Variants in FGD6 observed in about 807,000 individuals in gnomAD.
FGD6 encodes FYVE, RhoGEF and PH domain-containing protein 6.
In FGD6, 90 loss-of-function variants were observed where a neutral mutation model predicts 149.4. The observed-to-expected ratio is 0.60, with a 90% CI of 0.51 to 0.72. The LOEUF is 0.72. Ranked by LOEUF, FGD6 falls within the 30% of genes least tolerant of loss-of-function variation. FGD6 has a pLI of 0.00. For missense variants in FGD6, 1,437 were observed against 1,684.8 expected (o/e 0.85, Z 2.57); for synonymous variants, 527 against 584.0 (o/e 0.90, Z 1.41).
At chr12:95,198,863 G>A (rs1881794037) in intron 2 of FGD6, among the ~76,000 whole-genome samples, 1 of 152,170 alleles carries the variant, frequency 6.6e-6, no homozygotes, top group African/African-American at 2.4e-5. Flanking sequence ...TCAGTTTGGG[G>A]GAAGAAAGTT....
At chr12:95,111,105 C>G (rs909707261) in intron 9 of FGD6, among the ~76,000 whole-genome samples, 5 of 152,138 alleles carry the variant, frequency 3.3e-5, no homozygotes, top group Non-Finnish European at 7.3e-5. Context: ...GCCTCAGCTA[C>G]TGAGTACCTG....
At chr12:95,086,322 G>C (rs1318925213) in intron 18 of FGD6, among the ~76,000 whole-genome samples, 7 of 151,718 alleles carry the variant, frequency 4.6e-5, no homozygotes, top group Non-Finnish European at 8.8e-5. Flanking sequence ...CTTTAATTCT[G>C]TTCCTAAAAA....
At chr12:95,100,811 A>T in intron 14 of FGD6, 2 of 435,624 alleles carry the variant, frequency 4.6e-6, no homozygotes, top group Admixed American at 5.2e-5. Context: ...CCCAACATTG[A>T]TGGTAAGGAT....
At chr12:95,172,041 G>GT (rs1565915249) in intron 3 of FGD6, among the ~76,000 whole-genome samples, 1 of 138,260 alleles carries the variant, frequency 7.2e-6, no homozygotes, top group African/African-American at 2.7e-5. Flanking sequence ...TCTAAGGGGG[G>GT]GGGGGTTGTT....
intron 9 of FGD6, among the ~76,000 whole-genome samples, chr12:95,112,320 C>G (rs1367221389): frequency 6.6e-6 from 1 of 151,714 alleles, no homozygotes; most frequent in East Asian, 1.9e-4. Context: ...CCAGGCGTTG[C>G]TGGGCATGGT....
chr12:95,147,673 G>C (rs1274839616), intron 5 of FGD6, among the ~76,000 whole-genome samples: 4 of 152,094 alleles, frequency 2.6e-5, no homozygotes, highest in Non-Finnish European at 5.9e-5. Flanking sequence ...GACCAGACTT[G>C]AAAGTCTGGT....
At chr12:95,146,418 C>T (rs1447354365) in intron 5 of FGD6, among the ~76,000 whole-genome samples, 1 of 152,162 alleles carries the variant, frequency 6.6e-6, no homozygotes, top group Non-Finnish European at 1.5e-5. Flanking sequence ...TCACTAACAC[C>T]TCCTTGACAA....
At chr12:95,126,730 CAAAAAA>C (rs66512721) in intron 8 of FGD6, among the ~76,000 whole-genome samples, 1 of 127,376 alleles carries the variant, frequency 7.9e-6, no homozygotes. Context: ...GACTCAGTCT[CAAAAAA>C]AAAAAAAAAG....
At chr12:95,123,247 T>G (rs771546071) in intron 8 of FGD6, among the ~76,000 whole-genome samples, 5 of 152,090 alleles carry the variant, frequency 3.3e-5, no homozygotes, top group Non-Finnish European at 5.9e-5. Context: ...AATACAAAAA[T>G]TAGCTGGGTA....
At chr12:95,182,709 A>C (rs898375528) in intron 2 of FGD6, among the ~76,000 whole-genome samples, 2 of 152,222 alleles carry the variant, frequency 1.3e-5, no homozygotes, top group Non-Finnish European at 2.9e-5. Flanking sequence ...GACCTTCTTA[A>C]ACAGATGAAG....
At chr12:95,208,630 C>T (rs1414055244) in intron 2 of FGD6, among the ~76,000 whole-genome samples, 3 of 152,128 alleles carry the variant, frequency 2.0e-5, no homozygotes, top group Non-Finnish European at 2.9e-5. Flanking sequence ...TTCTTTGAAT[C>T]GGTTACTAAA....
chr12:95,202,117 C>T lies in FGD6; in HGVS notation c.2441+6726G>A, dbSNP rs565678870. ...CAAAAACATACATATGGGCTGGCCG[C>T]GGTGAGTCATGCCTGTAATCCCAAC... On this transcript the variant is annotated intron_variant, in intron 2 of 20. Transcript: ENST00000343958. Among the ~76,000 whole-genome samples, 317 of 151,946 alleles carry T rather than the reference C, an allele frequency of 2.1e-3. 1 individual carries two copies. The highest frequency in any genetic ancestry group is 3.4e-3 in the Non-Finnish European group (234 of 67,984).
chr12:95,134,808 T>A lies in FGD6; in HGVS notation c.3013A>T (p.Asn1005Tyr). 6.2e-7 allele frequency: 1 copy of A among 1,613,644 alleles called. No homozygotes were observed. Among genetic ancestry groups the A allele is most frequent in the Non-Finnish European group, 8.5e-7 (1 of 1,179,830 alleles). ...AGCAGGTAGTGCTTGAGGGCCAGAT[T>A]AGCACAGCGAGGGCTCATCTGAAAG... is the stretch of plus-strand genomic sequence containing the variant. ...REFEMSPRCANLALKHYLLKP... is the reference protein window; with the variant it reads ...REFEMSPRCAYLALKHYLLKP... Residue 1005 changes from asparagine to tyrosine, a missense_variant, in exon 8 of 21, where the codon AAT becomes TAT. Asn to Tyr is a moderately radical substitution (Grantham distance 143). This residue lies in a region of FGD6 where 382 missense variants were observed against 538.7 expected (regional missense o/e 0.71). Coordinates refer to ENST00000343958, the MANE Select transcript of FGD6 (RefSeq NM_018351.4).
chr12:95,166,738 T>G (rs1162940128), intron 3 of FGD6, among the ~76,000 whole-genome samples: 5 of 151,980 alleles, frequency 3.3e-5, no homozygotes, highest in Non-Finnish European at 2.9e-5. Context: ...AGAAACTCCA[T>G]GCCCATTATC....
chr12:95,204,992 G>A (rs1204433486), intron 2 of FGD6, among the ~76,000 whole-genome samples: 1 of 152,208 alleles, frequency 6.6e-6, no homozygotes, highest in Non-Finnish European at 1.5e-5. Context: ...TGTAGGCTAG[G>A]CATGGTGGCT....
intron 2 of FGD6, among the ~76,000 whole-genome samples, chr12:95,177,395 T>C (rs1881162758): frequency 6.6e-6 from 1 of 152,230 alleles, no homozygotes; most frequent in Non-Finnish European, 1.5e-5. Context: ...GGTTTTATTC[T>C]GAGCCCCTTT....
At chr12:95,107,238 G>T (rs539947999) in intron 12 of FGD6, among the ~76,000 whole-genome samples, 4 of 152,286 alleles carry the variant, frequency 2.6e-5, no homozygotes, top group Admixed American at 6.5e-5. Context: ...TCTGGAAAAC[G>T]TGCTTTATTT....
chr12:95,190,916 A>G (rs1431939271), intron 2 of FGD6, among the ~76,000 whole-genome samples: 1 of 152,200 alleles, frequency 6.6e-6, no homozygotes, highest in Non-Finnish European at 1.5e-5. Flanking sequence ...AAATTAAAAA[A>G]TACATTAAAA....
intron 1 of FGD6, among the ~76,000 whole-genome samples, chr12:95,213,666 A>G (rs2056738819): frequency 6.6e-6 from 1 of 152,178 alleles, no homozygotes; most frequent in African/African-American, 2.4e-5. Context: ...CCCTGGTACC[A>G]ATTTTACTCT....
Sources: gnomAD v4.1 joint callset for allele counts (sites outside exome capture counted in the v4.1 genomes callset) on GRCh38, gnomAD v4.1.1 for gene constraint, gnomAD v4.1.1 regional missense constraint, MANE v1.5 for transcripts, NCBI Gene and HGNC (gene_info 2026-07-23, HGNC 2026-07-21) for gene names.